NAALADL2: variants seen among roughly 807,000 people sequenced by gnomAD.
NAALADL2 encodes inactive N-acetylated-alpha-linked acidic dipeptidase-like protein 2.
NAALADL2 carries 76 observed loss-of-function variants against 87.2 expected under a neutral mutation model. That is an observed-to-expected ratio of 0.87 (90% CI 0.72 to 1.05). NAALADL2 has a LOEUF of 1.05. Among genes scored for constraint, NAALADL2 ranks in the 50% least tolerant of loss-of-function variants. The probability of loss-of-function intolerance (pLI) is 0.00; values close to 1 mark genes in which losing one functional copy is unlikely to be tolerated. For missense variants in NAALADL2, 1,089 were observed against 945.8 expected, an observed-to-expected ratio of 1.15 and a Z score of -1.99; for synonymous variants, 354 against 331.0, an observed-to-expected ratio of 1.07 and a Z score of -0.75.
intron 1 of NAALADL2, among the ~76,000 whole-genome samples, chr3:175,013,144 A>G (rs1383523624): frequency 1.2e-5 from 1 of 86,060 alleles, no homozygotes; most frequent in Non-Finnish European, 2.3e-5. Flanking sequence ...ATAAATATGT[A>G]ATACATATTT....
intron 9 of NAALADL2, among the ~76,000 whole-genome samples, chr3:175,483,607 G>A (rs1726833484): frequency 6.6e-6 from 1 of 151,942 alleles, no homozygotes. Flanking sequence ...TCAAGGGAAT[G>A]CATTTGGTGT....
At chr3:175,425,290 T>A (rs930295011) in intron 5 of NAALADL2, among the ~76,000 whole-genome samples, 6 of 152,132 alleles carry the variant, frequency 3.9e-5, no homozygotes, top group African/African-American at 1.2e-4. Context: ...AAAAGTGATC[T>A]CCTGTAAATC....
intron 2 of NAALADL2, among the ~76,000 whole-genome samples, chr3:175,099,869 A>G (rs1721822121): frequency 6.6e-6 from 1 of 152,118 alleles, no homozygotes; most frequent in African/African-American, 2.4e-5. Flanking sequence ...ATAGACATTG[A>G]GTAATTATTT....
rs558044273 is a variant in NAALADL2, at chr3:175,512,683, G to A, written c.1653+40925G>A. The stretch of plus-strand genomic sequence containing the variant: ...TGAAAAATGTTCTTGAGTAGGAGCC[G>A]AACTACTATACAATTTTCTTGAGAA... On this transcript the variant is annotated intron_variant, in intron 9 of 13. Coordinates refer to ENST00000454872, the MANE Select transcript of NAALADL2 (RefSeq NM_207015.3). Among the ~76,000 whole-genome samples the A allele has an allele frequency of 3.3e-5, 5 of 152,246 alleles. No homozygotes were observed. In the South Asian group the frequency reaches 6.2e-4, roughly 19 times the overall value.
At chr3:174,519,209 A>C (rs1560026490) in intron 1 of NAALADL2, among the ~76,000 whole-genome samples, 1 of 152,206 alleles carries the variant, frequency 6.6e-6, no homozygotes, top group Non-Finnish European at 1.5e-5. Flanking sequence ...TAACATTGTC[A>C]AAGGAAATAA....
At chr3:175,096,568 G>T in intron 1 of NAALADL2, among the ~76,000 whole-genome samples, 1 of 150,150 alleles carries the variant, frequency 6.7e-6, no homozygotes, top group East Asian at 2.0e-4. Context: ...TTCCCACTAA[G>T]TACCTTCTAC....
At chr3:175,215,522 A>C (rs1366668167) in intron 2 of NAALADL2, among the ~76,000 whole-genome samples, 1 of 152,080 alleles carries the variant, frequency 6.6e-6, no homozygotes, top group Non-Finnish European at 1.5e-5. Context: ...CTCATTGCCC[A>C]GTGTTAAGTG....
chr3:175,302,998 G>C (rs1299856384), intron 4 of NAALADL2, among the ~76,000 whole-genome samples: 1 of 152,006 alleles, frequency 6.6e-6, no homozygotes, highest in Non-Finnish European at 1.5e-5. Context: ...AATAAACATT[G>C]ATAATAAAAG....
At chr3:175,374,227 A>G (rs1330587160) in intron 5 of NAALADL2, among the ~76,000 whole-genome samples, 1 of 151,954 alleles carries the variant, frequency 6.6e-6, no homozygotes, top group African/African-American at 2.4e-5. Context: ...TTTCCCTATC[A>G]TAAATACGTT....
chr3:175,772,042 G>A (rs1749561671), intron 13 of NAALADL2, among the ~76,000 whole-genome samples: 1 of 152,074 alleles, frequency 6.6e-6, no homozygotes, highest in African/African-American at 2.4e-5. Context: ...GGGATTATGG[G>A]AACTACAATT....
rs781768041 is a variant in NAALADL2, at chr3:175,730,443, TAC to T, written c.1897-6857_1897-6856del. Among the ~76,000 whole-genome samples, 278 of 64,484 alleles carry T rather than the reference TAC, an allele frequency of 4.3e-3. 5 individuals are homozygous for T. Among genetic ancestry groups the T allele is most frequent in the Middle Eastern group, 0.012 (1 of 84 alleles). 42.3% of individuals were successfully genotyped at this position (64,484 alleles called of 152,430 possible). On this transcript the variant is annotated intron_variant, in intron 11 of 13. Transcript: ENST00000454872. ...ATATATATATATATATATATATATA[TAC>T]ACACATACACACGCACACACACACG...
chr3:175,226,191 T>C (rs1050612680), intron 2 of NAALADL2, among the ~76,000 whole-genome samples: 7 of 152,120 alleles, frequency 4.6e-5, no homozygotes, highest in Admixed American at 2.0e-4. Flanking sequence ...GGAGAGACTA[T>C]TACGTTCTCT....
At chr3:175,404,809 C>T (rs953735443) in intron 5 of NAALADL2, among the ~76,000 whole-genome samples, 7 of 152,144 alleles carry the variant, frequency 4.6e-5, no homozygotes. Flanking sequence ...CAGCACTTTA[C>T]TACTATCCAT....
At chr3:175,144,174 ATCAAGAATCAG>A (rs1730426807) in intron 2 of NAALADL2, among the ~76,000 whole-genome samples, 1 of 151,892 alleles carries the variant, frequency 6.6e-6, no homozygotes, top group South Asian at 2.1e-4. Flanking sequence ...AATGATGTAA[ATCAAGAATCAG>A]TCAGCATGCT....
chr3:175,302,042 G>A (rs1757147380), intron 4 of NAALADL2, among the ~76,000 whole-genome samples: 1 of 145,550 alleles, frequency 6.9e-6, no homozygotes, highest in South Asian at 2.1e-4. Flanking sequence ...TGGTGATGCA[G>A]AAAGCAGTAA....
intron 2 of NAALADL2, among the ~76,000 whole-genome samples, chr3:174,612,637 T>G (rs1038850410): frequency 2.6e-5 from 4 of 152,160 alleles, no homozygotes; most frequent in African/African-American, 9.7e-5. Flanking sequence ...TACTTGATTC[T>G]TTTTAATTAT....
chr3:174,477,911 CAA>C (rs1245001451), intron 1 of NAALADL2, among the ~76,000 whole-genome samples: 1 of 152,014 alleles, frequency 6.6e-6, no homozygotes, highest in African/African-American at 2.4e-5. Context: ...AACTGTAGTG[CAA>C]AGAGTGAAAA....
At chr3:175,085,130 C>T (rs2108270065) in intron 1 of NAALADL2, among the ~76,000 whole-genome samples, 1 of 152,194 alleles carries the variant, frequency 6.6e-6, no homozygotes, top group Non-Finnish European at 1.5e-5. Context: ...GGATTCCTTC[C>T]TGTCATTATG....
intron 2 of NAALADL2, among the ~76,000 whole-genome samples, chr3:175,103,005 A>G (rs1722485059): frequency 6.6e-6 from 1 of 151,372 alleles, no homozygotes; most frequent in African/African-American, 2.4e-5. Flanking sequence ...GCCACTTGGG[A>G]GGCTAAGGCG....
Sources: allele counts gnomAD v4.1 joint callset (sites outside exome capture counted in the v4.1 genomes callset), GRCh38; gene constraint gnomAD v4.1.1; transcripts MANE v1.5; gene names NCBI Gene and HGNC (gene_info 2026-07-23, HGNC 2026-07-21).